The following FMNL2 variants were observed in gnomAD, a reference collection of about 807,000 sequenced individuals.
FMNL2 encodes formin like 2, also known as formin-like protein 2.
Under a neutral mutation model 130.2 loss-of-function variants are expected in FMNL2, and 51 were observed. That is an observed-to-expected ratio of 0.39 (90% CI 0.31 to 0.49). The LOEUF (loss-of-function observed/expected upper bound fraction) is 0.49. Ranked by LOEUF, FMNL2 falls within the 20% of genes least tolerant of loss-of-function variation. The pLI is 0.85. For missense variants in FMNL2, 977 were observed against 1,316.2 expected (o/e 0.74, Z 3.99); for synonymous variants, 465 against 467.1 (o/e 1.00, Z 0.06).
chr2:152,363,865 A>C (rs1175960052), intron 1 of FMNL2, among the ~76,000 whole-genome samples: 2 of 152,188 alleles, frequency 1.3e-5, no homozygotes. Flanking sequence ...GCCCGACTGC[A>C]GTAGGCTGAG....
At chr2:152,458,493 A>G (rs1457688907) in intron 1 of FMNL2, among the ~76,000 whole-genome samples, 1 of 152,094 alleles carries the variant, frequency 6.6e-6, no homozygotes, top group Non-Finnish European at 1.5e-5. Flanking sequence ...ATTTCTGCCC[A>G]TTCTTTCTAT....
intron 25 of FMNL2, 96 bp from the exon 26 acceptor site, chr2:152,647,700 C>T: frequency 8.7e-7 from 1 of 1,150,560 alleles, no homozygotes; most frequent in Non-Finnish European, 1.3e-6. Context: ...CTTTTCTACA[C>T]AAGCTGCTTT....
chr2:152,529,938 G>C (rs934879846), intron 2 of FMNL2, among the ~76,000 whole-genome samples: 10 of 152,146 alleles, frequency 6.6e-5, no homozygotes, highest in African/African-American at 2.4e-4. Flanking sequence ...TTAGGCTTTA[G>C]AAGGAGCAAG....
At chr2:152,405,954 C>T (rs1439545111) in intron 1 of FMNL2, among the ~76,000 whole-genome samples, 2 of 152,092 alleles carry the variant, frequency 1.3e-5, no homozygotes, top group Non-Finnish European at 2.9e-5. Context: ...TATTCAGAAG[C>T]TAGGGGGATG....
intron 15 of FMNL2, among the ~76,000 whole-genome samples, chr2:152,623,781 A>G (rs905140122): frequency 6.6e-6 from 1 of 152,104 alleles, no homozygotes; most frequent in Non-Finnish European, 1.5e-5. Context: ...AGACTTCTTT[A>G]TGATATATAA....
intron 1 of FMNL2, among the ~76,000 whole-genome samples, chr2:152,356,173 G>C (rs924684262): frequency 1.3e-5 from 2 of 152,216 alleles, no homozygotes; most frequent in Admixed American, 6.5e-5. Context: ...GTCTCGCTCT[G>C]TCACCCAGGC....
At position 152,628,409 on chromosome 2, in the gene FMNL2, T is replaced by C. The variant is rs756150245; in HGVS notation, c.2276T>C (p.Leu759Pro). The change falls in exon 18 of 26, where the codon CTG becomes CCG. Residue 759 changes from leucine (L) to proline (P), a missense_variant. By Grantham distance (98) the Leu-to-Pro change is moderately conservative. Coordinates refer to ENST00000288670, the MANE Select transcript of FMNL2 (RefSeq NM_052905.4). ...LRLYERERKP[L>P]ENLSDEDRFM... ...CTCTACGAGCGGGAAAGGAAGCCTCTGGAAAACTTGTCAGATGAAGATCGG... is the reference window on the plus strand; with the variant it reads ...CTCTACGAGCGGGAAAGGAAGCCTCCGGAAAACTTGTCAGATGAAGATCGG... The C allele has an allele frequency of 1.2e-6, 2 of 1,614,062 alleles. No homozygotes were observed. The highest frequency in any genetic ancestry group is 1.7e-6 in the Non-Finnish European group (2 of 1,179,896).
intron 20 of FMNL2, 91 bp downstream of exon 20, chr2:152,629,996 A>C (rs1682056191): frequency 1.7e-6 from 2 of 1,175,682 alleles, no homozygotes; most frequent in South Asian, 2.9e-5. Context: ...TTTGATGAAT[A>C]TTTTCTGCTA....
At chr2:152,546,916 GC>G (rs748716480) in intron 3 of FMNL2, among the ~76,000 whole-genome samples, 12 of 150,838 alleles carry the variant, frequency 8.0e-5, no homozygotes, top group Non-Finnish European at 7.4e-5. Flanking sequence ...AATACCTTTA[GC>G]TGCCCATCCT....
In FMNL2 at chr2:152,648,037, CGGA is replaced by C. The variant is rs1683771052; in HGVS notation, c.*133_*135del. 3 of 793,852 alleles carry C rather than the reference CGGA, an allele frequency of 3.8e-6. No homozygotes were observed. Among genetic ancestry groups the C allele is most frequent in the Non-Finnish European group, 5.9e-6 (3 of 509,460 alleles). The allele number at this position is 793,852 out of a possible 1,614,324, so 49.2% of individuals were successfully genotyped here. A position where few individuals can be genotyped will look rare whatever the true frequency, so the allele number is the denominator to read the frequency against. On this transcript the variant is annotated 3_prime_UTR_variant, in exon 26 of 26. Transcript: ENST00000288670. ...CTTAAGGGCTCAGATTTAGCAAACA[CGGA>C]AGAATTTTAAAATGAGCTCTCCTTT...
At chr2:152,428,433 T>G (rs1409382778) in intron 1 of FMNL2, among the ~76,000 whole-genome samples, 2 of 152,226 alleles carry the variant, frequency 1.3e-5, no homozygotes, top group Non-Finnish European at 2.9e-5. Flanking sequence ...CATAGAAATA[T>G]GGGTTATTGC....
intron 10 of FMNL2, among the ~76,000 whole-genome samples, chr2:152,608,011 C>T (rs372310043): frequency 5.5e-4 from 84 of 152,136 alleles, no homozygotes; most frequent in Middle Eastern, 3.4e-3. Flanking sequence ...CTGTCATTCT[C>T]GGGTAAGAAC....
intron 1 of FMNL2, among the ~76,000 whole-genome samples, chr2:152,338,198 A>G (rs1004655581): frequency 6.6e-6 from 1 of 152,198 alleles, no homozygotes; most frequent in Non-Finnish European, 1.5e-5. Context: ...TGTTGGCATT[A>G]TTGATACCAG....
intron 1 of FMNL2, among the ~76,000 whole-genome samples, chr2:152,478,121 C>G (rs1475222858): frequency 1.3e-5 from 2 of 151,650 alleles, no homozygotes; most frequent in Non-Finnish European, 2.9e-5. Context: ...CAAACACTGC[C>G]TTGTTCCTGG....
chr2:152,337,838 A>G (rs1681566032), intron 1 of FMNL2, among the ~76,000 whole-genome samples: 1 of 152,154 alleles, frequency 6.6e-6, no homozygotes, highest in Admixed American at 6.5e-5. Context: ...TTGAGTAGAG[A>G]CAAAGCTTTT....
intron 6 of FMNL2, among the ~76,000 whole-genome samples, chr2:152,563,939 G>A (rs762799565): frequency 1.3e-5 from 2 of 152,038 alleles, no homozygotes; most frequent in Non-Finnish European, 2.9e-5. Flanking sequence ...CATAAGTCTC[G>A]GGTGAAAACG....
intron 7 of FMNL2, among the ~76,000 whole-genome samples, chr2:152,578,065 G>A (rs1347660843): frequency 6.6e-6 from 1 of 152,188 alleles, no homozygotes; most frequent in East Asian, 1.9e-4. Flanking sequence ...GGAATGGGAT[G>A]GAGGAAGGAC....
At chr2:152,456,579 C>G (rs1468664668) in intron 1 of FMNL2, among the ~76,000 whole-genome samples, 1 of 152,160 alleles carries the variant, frequency 6.6e-6, no homozygotes, top group Non-Finnish European at 1.5e-5. Flanking sequence ...CTGCTTGATT[C>G]AAGACCGATT....
intron 2 of FMNL2, among the ~76,000 whole-genome samples, chr2:152,538,276 T>TG (rs1694107493): frequency 1.4e-4 from 1 of 6,970 alleles, no homozygotes. Flanking sequence ...TATATGAGGT[T>TG]TTTTTTTTTT....
Sources: allele counts gnomAD v4.1 joint callset (sites outside exome capture counted in the v4.1 genomes callset), GRCh38; gene constraint gnomAD v4.1.1; transcripts MANE v1.5; gene names NCBI Gene and HGNC (gene_info 2026-07-23, HGNC 2026-07-21).